The following PLPPR1 variants were observed in gnomAD, a reference collection of about 807,000 sequenced individuals.
PLPPR1 encodes the protein phospholipid phosphatase related 1.
In PLPPR1, 10 loss-of-function variants were observed where a neutral mutation model predicts 33.1. That is an observed-to-expected ratio of 0.30 (90% CI 0.19 to 0.51). The LOEUF (loss-of-function observed/expected upper bound fraction) is 0.51, where lower values mean the gene tolerates loss of function less well. Among genes scored for constraint, PLPPR1 ranks in the 20% least tolerant of loss-of-function variants. PLPPR1 has a pLI of 0.97. For missense variants in PLPPR1, 304 were observed against 408.1 expected (o/e 0.74, Z 2.20); for synonymous variants, 151 against 151.0 (o/e 1.00, Z 0.00).
chr9:101,231,228 G>A (rs1188080970), intron 2 of PLPPR1, among the ~76,000 whole-genome samples: 2 of 151,442 alleles, frequency 1.3e-5, no homozygotes, highest in East Asian at 3.9e-4. Context: ...TCCTTTCACT[G>A]TCATGACTAT....
chr9:101,070,658 G>T (rs116387044), intron 1 of PLPPR1, among the ~76,000 whole-genome samples: 1 of 151,948 alleles, frequency 6.6e-6, no homozygotes, highest in African/African-American at 2.4e-5. Flanking sequence ...TGGTTTCCTC[G>T]TTTAAATCAT....
intron 4 of PLPPR1, among the ~76,000 whole-genome samples, chr9:101,287,895 C>T (rs1306815999): frequency 6.6e-6 from 1 of 152,162 alleles, no homozygotes; most frequent in African/African-American, 2.4e-5. Context: ...CGCATGCACA[C>T]ACACGTACAT....
chr9:101,241,814 GT>G (rs1827474501), intron 2 of PLPPR1, among the ~76,000 whole-genome samples: 1 of 152,054 alleles, frequency 6.6e-6, no homozygotes, highest in Non-Finnish European at 1.5e-5. Flanking sequence ...TGGCACAACG[GT>G]TTATCGTTAC....
intron 1 of PLPPR1, among the ~76,000 whole-genome samples, chr9:101,112,662 T>G (rs751266133): frequency 2.6e-5 from 4 of 152,204 alleles, no homozygotes; most frequent in Non-Finnish European, 5.9e-5. Context: ...TTCCGTATGG[T>G]GCTTCACACT....
At chr9:101,099,341 G>T (rs1830866127) in intron 1 of PLPPR1, among the ~76,000 whole-genome samples, 2 of 152,050 alleles carry the variant, frequency 1.3e-5, no homozygotes, top group South Asian at 4.1e-4. Context: ...GAGCCACTTG[G>T]TAAATATTCA....
At chr9:101,086,989 G>A (rs916918090) in intron 1 of PLPPR1, among the ~76,000 whole-genome samples, 4 of 152,068 alleles carry the variant, frequency 2.6e-5, no homozygotes, top group African/African-American at 9.7e-5. Context: ...GACCAGCCTG[G>A]CCAACATGGT....
chr9:101,190,494 A>G (rs1826278942), intron 2 of PLPPR1, among the ~76,000 whole-genome samples: 1 of 152,102 alleles, frequency 6.6e-6, no homozygotes, highest in Admixed American at 6.6e-5. Context: ...TAAGCTGCTC[A>G]TAGTGGAATG....
intron 2 of PLPPR1, among the ~76,000 whole-genome samples, chr9:101,214,046 G>T (rs1826737671): frequency 6.6e-6 from 1 of 152,206 alleles, no homozygotes; most frequent in East Asian, 1.9e-4. Flanking sequence ...ACTCTTGACT[G>T]CTCTGTAAGG....
chr9:101,318,940 C>G (rs566908177), intron 7 of PLPPR1, among the ~76,000 whole-genome samples: 1 of 152,026 alleles, frequency 6.6e-6, no homozygotes, highest in African/African-American at 2.4e-5. Flanking sequence ...TCATCTTTTT[C>G]GGGTAGCTGA....
chr9:101,039,631 C>A lies in PLPPR1; in HGVS notation c.-46+10529C>A, dbSNP rs566380081. Among the ~76,000 whole-genome samples the A allele has an allele frequency of 1.4e-4, 21 of 152,258 alleles. No homozygotes were observed. The South Asian group carries it at 3.9e-3, about 29-fold the overall frequency. On this transcript the variant is annotated intron_variant, in intron 1 of 7. Transcript: ENST00000374874. ...GGAAAGAGGTTTAATGGAGAACTCA[C>A]AGTTCCACGTGGCTGGGGAAGCCTC...
intron 7 of PLPPR1, among the ~76,000 whole-genome samples, chr9:101,320,552 G>T (rs1214064086): frequency 6.6e-6 from 1 of 152,112 alleles, no homozygotes; most frequent in Admixed American, 6.5e-5. Flanking sequence ...CTATGAGAAG[G>T]ACTTCTGCAG....
intron 1 of PLPPR1, among the ~76,000 whole-genome samples, chr9:101,115,442 A>T (rs1483259194): frequency 1.3e-5 from 2 of 152,224 alleles, no homozygotes; most frequent in Non-Finnish European, 2.9e-5. Context: ...AACACAACAG[A>T]TGTAGTCTTA....
chr9:101,118,779 C>T (rs1459388682), intron 1 of PLPPR1, among the ~76,000 whole-genome samples: 1 of 152,230 alleles, frequency 6.6e-6, no homozygotes, highest in African/African-American at 2.4e-5. Flanking sequence ...CACAGCTTGG[C>T]TCTTGCCACA....
At chr9:101,127,723 C>A (rs1447184542) in intron 1 of PLPPR1, among the ~76,000 whole-genome samples, 1 of 152,144 alleles carries the variant, frequency 6.6e-6, no homozygotes. Context: ...GCCCTCCACC[C>A]TTTAGCACAG....
intron 1 of PLPPR1, among the ~76,000 whole-genome samples, chr9:101,134,464 C>T (rs1021977884): frequency 2.0e-5 from 3 of 151,588 alleles, no homozygotes; most frequent in Non-Finnish European, 4.4e-5. Flanking sequence ...CTCACTGCAA[C>T]CTCTGCCTCC....
chr9:101,083,849 G>A (rs1477080892), intron 1 of PLPPR1, among the ~76,000 whole-genome samples: 2 of 152,190 alleles, frequency 1.3e-5, no homozygotes, highest in Non-Finnish European at 2.9e-5. Context: ...ATAAAAACAA[G>A]AGTAAGTACA....
At chr9:101,081,351 C>T (rs916966966) in intron 1 of PLPPR1, among the ~76,000 whole-genome samples, 4 of 152,046 alleles carry the variant, frequency 2.6e-5, no homozygotes, top group African/African-American at 4.8e-5. Context: ...CCTGCCACCA[C>T]GCCCAGCTAA....
chr9:101,115,822 G>C (rs987698643), intron 1 of PLPPR1, among the ~76,000 whole-genome samples: 2 of 152,084 alleles, frequency 1.3e-5, no homozygotes, highest in Non-Finnish European at 2.9e-5. Context: ...GGGATTTCTT[G>C]CTTTCCTTAT....
In PLPPR1 at chr9:101,284,723, C is replaced by A. The variant is rs150267942; in HGVS notation, c.253-1381C>A. Among the ~76,000 whole-genome samples, 1,472 of 152,196 alleles carry A rather than the reference C, an allele frequency of 9.7e-3. 6 individuals carry two copies. The highest frequency in any genetic ancestry group is 0.015 in the Non-Finnish European group (990 of 67,980). On this transcript the variant is annotated intron_variant, in intron 3 of 7. Transcript: ENST00000374874. ...TTTTATACTTTTTAATTTCTGTTAT[C>A]CATGTGCCTTTCATTATGTCATCAT...
Sources: allele counts gnomAD v4.1 joint callset (sites outside exome capture counted in the v4.1 genomes callset), GRCh38; gene constraint gnomAD v4.1.1; transcripts MANE v1.5; gene names NCBI Gene and HGNC (gene_info 2026-07-23, HGNC 2026-07-21).